The following FYB1 variants were observed in gnomAD, a reference collection of about 807,000 sequenced individuals.
FYB1 encodes the protein FYN binding protein 1, also known as FYN-binding protein 1.
In FYB1, 41 loss-of-function variants were observed where a neutral mutation model predicts 94.1. That is an observed-to-expected ratio of 0.44 (90% CI 0.34 to 0.57). The LOEUF is 0.57. Among genes scored for constraint, FYB1 ranks in the 20% least tolerant of loss-of-function variants. The pLI is 0.02. For missense variants in FYB1, 1,050 were observed against 976.8 expected, an observed-to-expected ratio of 1.07 and a Z score of -1.00; for synonymous variants, 367 against 353.2, an observed-to-expected ratio of 1.04 and a Z score of -0.44.
chr5:39,158,997 A>C (rs1744008036), intron 2 of FYB1, among the ~76,000 whole-genome samples: 1 of 152,178 alleles, frequency 6.6e-6, no homozygotes, highest in Admixed American at 6.5e-5. Context: ...TAGTTTCTCC[A>C]TCTGTCAAAT....
At chr5:39,268,714 C>T (rs563639621) in intron 1 of FYB1, among the ~76,000 whole-genome samples, 7 of 151,926 alleles carry the variant, frequency 4.6e-5, no homozygotes, top group Admixed American at 1.3e-4. Context: ...TACAGGCATG[C>T]GCCACCATGC....
intron 2 of FYB1, among the ~76,000 whole-genome samples, chr5:39,182,075 C>A (rs766707313): frequency 2.1e-4 from 32 of 150,588 alleles, no homozygotes; most frequent in Non-Finnish European, 3.4e-4. Context: ...CTCACCAGGT[C>A]ACCCTCATGT....
intron 10 of FYB1, among the ~76,000 whole-genome samples, chr5:39,129,024 C>A (rs1169233204): frequency 6.6e-6 from 1 of 151,946 alleles, no homozygotes; most frequent in Non-Finnish European, 1.5e-5. Flanking sequence ...CCAAAGCAAT[C>A]CTGAGCAAAA....
At chr5:39,171,065 G>T (rs1561208722) in intron 2 of FYB1, among the ~76,000 whole-genome samples, 1 of 151,964 alleles carries the variant, frequency 6.6e-6, no homozygotes, top group Non-Finnish European at 1.5e-5. Context: ...AGGCGGAGGG[G>T]TGACATGAGG....
chr5:39,214,596 TGAA>T (rs969269120), intron 1 of FYB1, among the ~76,000 whole-genome samples: 2 of 152,238 alleles, frequency 1.3e-5, no homozygotes, highest in African/African-American at 4.8e-5. Flanking sequence ...GGAGAAACCT[TGAA>T]GACATTACGC....
chr5:39,205,886 T>A (rs1490849089), intron 1 of FYB1, among the ~76,000 whole-genome samples: 1 of 152,172 alleles, frequency 6.6e-6, no homozygotes, highest in African/African-American at 2.4e-5. Flanking sequence ...TCACAGGGTT[T>A]TTGTTTTAAA....
intron 1 of FYB1, among the ~76,000 whole-genome samples, chr5:39,262,260 G>T (rs977960878): frequency 6.6e-6 from 1 of 151,740 alleles, no homozygotes; most frequent in Non-Finnish European, 1.5e-5. Context: ...ATTGACACAG[G>T]ATTAATGCCT....
At chr5:39,141,873 GAAA>G (rs199557798) in intron 3 of FYB1, among the ~76,000 whole-genome samples, 2 of 129,930 alleles carry the variant, frequency 1.5e-5, no homozygotes, top group African/African-American at 2.7e-5. Flanking sequence ...TTCTGTCTCA[GAAA>G]AAAAAAAAAA....
rs72734738 is a variant in FYB1, at chr5:39,110,447, A to T, written c.2402-58T>A. Reference sequence around the variant, plus strand: ...TAATACAGGTTGAAAAATCTTTAGTACTTTTTTCAGGAAATCAAAACACAA... The same window carrying T: ...TAATACAGGTTGAAAAATCTTTAGTTCTTTTTTCAGGAAATCAAAACACAA... On this transcript the variant is annotated intron_variant, in intron 16 of 18. Coordinates refer to ENST00000512982, the MANE Select transcript of FYB1 (RefSeq NM_001465.6). 7,360 of 1,140,262 alleles carry T rather than the reference A, an allele frequency of 6.5e-3. 42 individuals carry two copies. Among genetic ancestry groups the T allele is most frequent in the Middle Eastern group, 0.011 (53 of 4,874 alleles). 70.6% of individuals were successfully genotyped at this position (1,140,262 alleles called of 1,614,324 possible). A position where few individuals can be genotyped will look rare whatever the true frequency, so the allele number is the denominator to read the frequency against.
chr5:39,232,726 AC>A (rs1169037178), intron 1 of FYB1, among the ~76,000 whole-genome samples: 1 of 107,906 alleles, frequency 9.3e-6, no homozygotes, highest in African/African-American at 3.5e-5. Flanking sequence ...CCTCCCCCCA[AC>A]CCACAACAGT....
intron 1 of FYB1, among the ~76,000 whole-genome samples, chr5:39,264,109 A>T (rs1747185571): frequency 6.6e-6 from 1 of 152,190 alleles, no homozygotes; most frequent in Non-Finnish European, 1.5e-5. Flanking sequence ...TATTTTCAAG[A>T]CATATCCCTT....
At chr5:39,228,345 G>A (rs1750572600) in intron 1 of FYB1, among the ~76,000 whole-genome samples, 1 of 152,094 alleles carries the variant, frequency 6.6e-6, no homozygotes, top group South Asian at 2.1e-4. Context: ...AAGCAAAGAT[G>A]ACAAAATCTT....
intron 1 of FYB1, chr5:39,270,873 A>G (rs1752644925): frequency 5.6e-6 from 2 of 360,152 alleles, no homozygotes; most frequent in Non-Finnish European, 1.0e-5. Flanking sequence ...TAGATATTAA[A>G]TTTTGCTATA....
At chr5:39,215,766 T>A (rs568778152) in intron 1 of FYB1, among the ~76,000 whole-genome samples, 2 of 152,316 alleles carry the variant, frequency 1.3e-5, no homozygotes, top group South Asian at 4.1e-4. Flanking sequence ...AATGCAGATG[T>A]TGGTTGCTTG....
intron 7 of FYB1, among the ~76,000 whole-genome samples, chr5:39,136,674 A>T (rs1428130361): frequency 1.3e-5 from 2 of 152,216 alleles, no homozygotes; most frequent in African/African-American, 4.8e-5. Context: ...TTGTATGTGC[A>T]ACTGGAATTT....
chr5:39,273,451 T>C (rs1283447293), intron 1 of FYB1, among the ~76,000 whole-genome samples: 1 of 152,170 alleles, frequency 6.6e-6, no homozygotes, highest in East Asian at 1.9e-4. Flanking sequence ...TGTGAGTATA[T>C]CTCCTGTGAA....
At chr5:39,245,192 AAGAG>A (rs903971916) in intron 1 of FYB1, among the ~76,000 whole-genome samples, 1 of 152,178 alleles carries the variant, frequency 6.6e-6, no homozygotes, top group Non-Finnish European at 1.5e-5. Flanking sequence ...GAGAAAAAGA[AAGAG>A]AGAGAGATAC....
chr5:39,105,846 T>C lies in FYB1; in HGVS notation c.*1597A>G, dbSNP rs1760345380. ...ATTGGAGGGAATCTTTGGAGATTAG[T>C]GGCATCTAATCTTGGGGCCTCAGAC... On this transcript the variant is annotated 3_prime_UTR_variant, in exon 19 of 19. Transcript: ENST00000512982. 6.6e-6 allele frequency: 1 copy of C among 152,194 alleles called. No homozygotes were observed. The highest frequency in any genetic ancestry group is 1.5e-5 in the Non-Finnish European group (1 of 68,038). The allele number at this position is 152,194 out of a possible 1,614,324, so 9.4% of individuals were successfully genotyped here. A position where few individuals can be genotyped will look rare whatever the true frequency, so the allele number is the denominator to read the frequency against.
rs765355045 is a variant in FYB1 at position 39,201,943 on chromosome 5, C to T, written c.1018G>A (p.Ala340Thr). 1.9e-6 allele frequency: 3 copies of T among 1,614,012 alleles called. No homozygotes were observed. Among genetic ancestry groups the T allele is most frequent in the Non-Finnish European group, 2.5e-6 (3 of 1,179,892 alleles). The stretch of plus-strand genomic sequence containing the variant: ...GGCAATGGCTTCTGTTTCGGGGTGG[C>T]TGAATTCTTGTCTCCCTTTTCCTTT... ...QEKEKGDKNS[A>T]TPKQKPLPPL... Residue 340 changes from alanine to threonine, a missense_variant, in exon 2 of 19, where the codon GCC becomes ACC. Physicochemically the swap from Ala to Thr is moderately conservative, Grantham distance 58. Coordinates refer to ENST00000512982, the MANE Select transcript of FYB1 (RefSeq NM_001465.6).
Sources: allele counts gnomAD v4.1 joint callset (sites outside exome capture counted in the v4.1 genomes callset), GRCh38; gene constraint gnomAD v4.1.1; transcripts MANE v1.5; gene names NCBI Gene and HGNC (gene_info 2026-07-23, HGNC 2026-07-21).